C8orf34: variants seen among roughly 807,000 people sequenced by gnomAD.
C8orf34 encodes the protein chromosome 8 open reading frame 34.
Under a neutral mutation model 68.3 loss-of-function variants are expected in C8orf34, and 65 were observed. The observed-to-expected ratio is 0.95, with a 90% CI of 0.78 to 1.17. The LOEUF (loss-of-function observed/expected upper bound fraction) is 1.17, where lower values mean the gene tolerates loss of function less well. Among genes scored for constraint, C8orf34 ranks in the 50% most tolerant of loss-of-function variants. The pLI is 0.00. For missense variants in C8orf34, 664 were observed against 655.4 expected (o/e 1.01, Z -0.14); for synonymous variants, 244 against 241.2 (o/e 1.01, Z -0.11).
intron 1 of C8orf34, among the ~76,000 whole-genome samples, chr8:68,407,188 T>A (rs375926029): frequency 5.3e-5 from 8 of 152,200 alleles, no homozygotes; most frequent in Admixed American, 3.3e-4. Context: ...CATTTTCATA[T>A]ACCTGGCTAC....
chr8:68,788,267 C>T (rs1224153621), intron 12 of C8orf34, among the ~76,000 whole-genome samples: 2 of 152,152 alleles, frequency 1.3e-5, no homozygotes, highest in Admixed American at 6.5e-5. Context: ...TCTCCTGAGC[C>T]ATAACCATGA....
chr8:68,631,220 C>A (rs1818682668), intron 7 of C8orf34, among the ~76,000 whole-genome samples: 1 of 151,898 alleles, frequency 6.6e-6, no homozygotes, highest in East Asian at 1.9e-4. Flanking sequence ...CGAGATCATG[C>A]CACTGCACTC....
chr8:68,580,923 A>G (rs933137670), intron 7 of C8orf34, among the ~76,000 whole-genome samples: 1 of 152,070 alleles, frequency 6.6e-6, no homozygotes, highest in Non-Finnish European at 1.5e-5. Context: ...CCATCATGGT[A>G]GATTACTCAA....
intron 8 of C8orf34, among the ~76,000 whole-genome samples, chr8:68,647,997 C>T (rs557600010): frequency 1.1e-4 from 16 of 152,120 alleles, no homozygotes; most frequent in Non-Finnish European, 2.4e-4. Context: ...TATTTTCGCC[C>T]TTAGATCATG....
At chr8:68,480,514 A>G (rs1812814520) in intron 4 of C8orf34, among the ~76,000 whole-genome samples, 1 of 152,158 alleles carries the variant, frequency 6.6e-6, no homozygotes, top group African/African-American at 2.4e-5. Flanking sequence ...AGGTTGGAAC[A>G]ATTTGGAGGC....
At chr8:68,815,473 C>T (rs779548607) in intron 12 of C8orf34, among the ~76,000 whole-genome samples, 36 of 151,988 alleles carry the variant, frequency 2.4e-4, no homozygotes, top group Admixed American at 8.5e-4. Context: ...CAATAAGTAG[C>T]GTGTACCTGT....
rs1444698959 is a variant in C8orf34 at position 68,714,169 on chromosome 8, C to A, written c.1327+5090C>A. Among the ~76,000 whole-genome samples, 4 of 152,016 alleles carry A rather than the reference C, an allele frequency of 2.6e-5. No homozygotes were observed. The South Asian group carries it at 6.2e-4, about 24-fold the overall frequency. ...GGTAAAAAAGCCATCTATGACAAAC[C>A]CATGGCCAACATTATACTGAACAGG... On this transcript the variant is annotated intron_variant, in intron 9 of 13. Transcript: ENST00000518698.
At chr8:68,770,375 T>C (rs1823305180) in intron 10 of C8orf34, among the ~76,000 whole-genome samples, 2 of 152,242 alleles carry the variant, frequency 1.3e-5, no homozygotes, top group African/African-American at 4.8e-5. Context: ...GAAATAATAT[T>C]ATTTATTGAC....
intron 5 of C8orf34, among the ~76,000 whole-genome samples, chr8:68,507,251 G>A (rs1278317016): frequency 6.6e-6 from 1 of 152,114 alleles, no homozygotes; most frequent in Admixed American, 6.5e-5. Context: ...GAATAAAAAT[G>A]ATTTTTGTAA....
At chr8:68,346,237 G>A (rs1340311548) in intron 1 of C8orf34, among the ~76,000 whole-genome samples, 1 of 149,878 alleles carries the variant, frequency 6.7e-6, no homozygotes, top group Non-Finnish European at 1.5e-5. Flanking sequence ...TCTCTGCATT[G>A]AAATAAACAT....
At chr8:68,739,372 T>C (rs1413003444) in intron 10 of C8orf34, among the ~76,000 whole-genome samples, 1 of 151,752 alleles carries the variant, frequency 6.6e-6, no homozygotes, top group East Asian at 1.9e-4. Flanking sequence ...CTCCTTCAGC[T>C]GAGAAACAAT....
intron 7 of C8orf34, among the ~76,000 whole-genome samples, chr8:68,561,555 A>C (rs1246940744): frequency 2.0e-5 from 3 of 152,118 alleles, no homozygotes; most frequent in Non-Finnish European, 2.9e-5. Context: ...TCAGTAGTTC[A>C]AGATCAGCCT....
chr8:68,599,750 A>T (rs557849920), intron 7 of C8orf34, among the ~76,000 whole-genome samples: 38 of 152,176 alleles, frequency 2.5e-4, no homozygotes, highest in Non-Finnish European at 4.9e-4. Context: ...ATTAGAGAGG[A>T]TGTGAAATAT....
intron 9 of C8orf34, among the ~76,000 whole-genome samples, chr8:68,718,185 A>G (rs1006269335): frequency 6.6e-6 from 1 of 151,962 alleles, no homozygotes; most frequent in Non-Finnish European, 1.5e-5. Context: ...TGTTTCTCCT[A>G]CTTCCATTGG....
At chr8:68,811,098 G>T (rs538645394) in intron 12 of C8orf34, among the ~76,000 whole-genome samples, 1 of 152,174 alleles carries the variant, frequency 6.6e-6, no homozygotes, top group Non-Finnish European at 1.5e-5. Context: ...GCCATAGGGC[G>T]CCTGTAGGCC....
At chr8:68,693,037 C>T (rs1392099630) in intron 8 of C8orf34, among the ~76,000 whole-genome samples, 1 of 152,048 alleles carries the variant, frequency 6.6e-6, no homozygotes, top group East Asian at 1.9e-4. Context: ...CTAAATTTCT[C>T]CAAGTCAAAA....
intron 1 of C8orf34, among the ~76,000 whole-genome samples, chr8:68,358,152 T>C (rs1220211021): frequency 1.3e-5 from 2 of 152,190 alleles, no homozygotes; most frequent in Non-Finnish European, 2.9e-5. Flanking sequence ...CACATCATTT[T>C]GGTACATTAT....
chr8:68,492,428 T>A (rs1813353963), intron 5 of C8orf34, among the ~76,000 whole-genome samples: 1 of 151,942 alleles, frequency 6.6e-6, no homozygotes, highest in Non-Finnish European at 1.5e-5. Flanking sequence ...AGGGTCTTAC[T>A]ATGTTGCTCA....
chr8:68,510,784 G>A (rs1473633976), intron 5 of C8orf34, among the ~76,000 whole-genome samples: 2 of 152,144 alleles, frequency 1.3e-5, no homozygotes, highest in African/African-American at 2.4e-5. Context: ...TCCCCCCAAG[G>A]AATCTCAGAT....
Sources: gnomAD v4.1 joint callset for allele counts (sites outside exome capture counted in the v4.1 genomes callset) on GRCh38, gnomAD v4.1.1 for gene constraint, MANE v1.5 for transcripts, NCBI Gene and HGNC (gene_info 2026-07-23, HGNC 2026-07-21) for gene names.